The following NEB variants were observed in gnomAD, a reference collection of about 807,000 sequenced individuals.
NEB encodes nebulin, also known as nemaline myopathy type 2.
A neutral mutation model predicts 952.2 loss-of-function variants in NEB; 512 were observed. The observed-to-expected ratio is 0.54, with a 90% CI of 0.50 to 0.58. NEB has a LOEUF of 0.58. Ranked by LOEUF, NEB falls within the 20% of genes least tolerant of loss-of-function variation. The pLI, the probability that NEB is intolerant of heterozygous loss-of-function variation, is 0.00. For synonymous variants in NEB, 2,900 were observed against 3,149.8 expected (o/e 0.92, Z 2.66); for missense variants, 8,428 against 9,231.1 (o/e 0.91, Z 3.56).
At chr2:151,646,672 C>T (rs1560961610) in intron 54 of NEB, among the ~76,000 whole-genome samples, 1 of 152,132 alleles carries the variant, frequency 6.6e-6, no homozygotes, top group Non-Finnish European at 1.5e-5. Flanking sequence ...TATTTTGACA[C>T]AGAGTCTTAC....
In NEB at chr2:151,499,331, C is replaced by G; in HGVS notation, c.24081G>C (p.Glu8027Asp). Residue 8027 changes from glutamate (E) to aspartate (D), a missense_variant, in exon 169 of 182, where the codon GAG (glutamate) becomes GAC (aspartate). Physicochemically the swap from Glu to Asp is conservative, Grantham distance 45 (BLOSUM62 2). This residue lies in a region of NEB where 3,374 missense variants were observed against 3,651.5 expected (regional missense o/e 0.92). Coordinates refer to ENST00000397345, the MANE Select transcript of NEB (RefSeq NM_001164508.2). Reference sequence around the variant, plus strand: ...AGTTTTCTTGATTGTGTTTGACTCTCTCCATCTCTGGAGTGATGGGGATTG... The same window carrying G: ...AGTTTTCTTGATTGTGTTTGACTCTGTCCATCTCTGGAGTGATGGGGATTG... ...GIPIPITPEM[E>D]RVKHNQENFS... is the part of the protein sequence containing the mutation. 6.5e-7 allele frequency: 1 copy of G among 1,542,202 alleles called. No homozygotes were observed.
rs2099605487 is a variant in NEB, at chr2:151,697,567, C to A, written c.1234G>T (p.Val412Phe). 6.2e-7 allele frequency: 1 copy of A among 1,612,904 alleles called. No individual in the cohort carries two copies. The highest frequency in any genetic ancestry group is 1.1e-5 in the South Asian group (1 of 90,826). ...CETPKFKLDT[V>F]LQNFSSDKKY... is the part of the protein sequence containing the mutation. Reference sequence around the variant, plus strand: ...ACATCACTACTGAAGTTCTGCAGAACAGTATCGAGCTTGAATTTGGGGGTC... The same window carrying A: ...ACATCACTACTGAAGTTCTGCAGAAAAGTATCGAGCTTGAATTTGGGGGTC... Residue 412 changes from valine to phenylalanine, a missense_variant, in exon 14 of 182, where the codon GTT (valine) becomes TTT (phenylalanine). This residue lies in a region of NEB where 2,851 missense variants were observed against 2,791.5 expected (regional missense o/e 1.02). Transcript: ENST00000397345.
chr2:151,612,467 GATA>G (rs2098019346), intron 77 of NEB, 78 bp from the exon 78 acceptor site: 1 of 1,250,832 alleles, frequency 8.0e-7, no homozygotes, highest in Admixed American at 1.9e-5. Flanking sequence ...AACATACACA[GATA>G]ATGTGTTAGT....
rs2099511721 is a variant in NEB, at chr2:151,687,481, G to C, written c.2575C>G (p.Leu859Val). 6.2e-7 allele frequency: 1 copy of C among 1,613,980 alleles called. No individual in the cohort carries two copies. The highest frequency in any genetic ancestry group is 1.3e-5 in the African/African-American group (1 of 75,040). ...ATCTTTGGATCGTCATTAATGCTGAGGGCTCCAATCATTTTCCCTTTGCTC... is the reference window on the plus strand; with the variant it reads ...ATCTTTGGATCGTCATTAATGCTGACGGCTCCAATCATTTTCCCTTTGCTC... Reference protein sequence around the residue: ...EKSKGKMIGALSINDDPKMLH... With the variant: ...EKSKGKMIGAVSINDDPKMLH... Residue 859 changes from leucine (L) to valine (V), a missense_variant, in exon 27 of 182, where the codon CTC becomes GTC. Physicochemically the swap from Leu to Val is conservative, Grantham distance 32. Coordinates refer to ENST00000397345, the MANE Select transcript of NEB (RefSeq NM_001164508.2).
chr2:151,606,925 T>C lies in NEB; in HGVS notation c.12640-212A>G, dbSNP rs1167859560. Among the ~76,000 whole-genome samples, 50 of 84,332 alleles carry C rather than the reference T, an allele frequency of 5.9e-4. 3 individuals are homozygous for C. The highest frequency in any genetic ancestry group is 1.4e-3 in the African/African-American group (49 of 34,530). 55.3% of individuals were successfully genotyped at this position (84,332 alleles called of 152,430 possible). On this transcript the variant is annotated intron_variant, in intron 83 of 181. Transcript: ENST00000397345. ...TTTAAAGCTAAACATCAAACTCTAT[T>C]AATGTTTGAATATTTGCATCCATCA...
chr2:151,705,566 A>G (rs1559468243), intron 13 of NEB, among the ~76,000 whole-genome samples: 1 of 152,216 alleles, frequency 6.6e-6, no homozygotes, highest in South Asian at 2.1e-4. Flanking sequence ...CAGCAATCCC[A>G]TCACTGAGTA....
intron 65 of NEB, among the ~76,000 whole-genome samples, chr2:151,632,832 A>G (rs992255379): frequency 7.2e-5 from 11 of 152,188 alleles, no homozygotes; most frequent in African/African-American, 2.7e-4. Flanking sequence ...ATGGTAAGCA[A>G]TCTGTCAATA....
intron 107 of NEB, among the ~76,000 whole-genome samples, chr2:151,574,339 A>G (rs1330264527): frequency 1.3e-5 from 2 of 152,250 alleles, no homozygotes; most frequent in Admixed American, 1.3e-4. Flanking sequence ...CAATACTTCC[A>G]GCAAATGTTA....
At chr2:151,497,937 T>C (rs1198538948) in intron 170 of NEB, 5 of 1,449,066 alleles carry the variant, frequency 3.5e-6, no homozygotes, top group Non-Finnish European at 3.6e-6. Context: ...CTGTCAGAGT[T>C]ATCCATGTTA....
At chr2:151,696,842 G>A (rs944201895) in intron 16 of NEB, 107 bp from the exon 17 acceptor site, 7 of 765,190 alleles carry the variant, frequency 9.1e-6, no homozygotes, top group African/African-American at 5.3e-5. Context: ...AATGAAACTT[G>A]TAGTTAATAA....
chr2:151,627,293 T>C (rs2098544560), intron 69 of NEB, 88 bp from the exon 70 acceptor site: 2 of 1,470,024 alleles, frequency 1.4e-6, no homozygotes, highest in South Asian at 1.3e-5. Context: ...AAAGCTTGGA[T>C]AGTCAAATTT....
rs71000481 is a variant in NEB at position 151,620,347 on chromosome 2, G to GTATATATATA, written c.10560+562_10560+571dup. Among the ~76,000 whole-genome samples, 165 of 48,330 alleles carry GTATATATATA rather than the reference G, an allele frequency of 3.4e-3. 4 individuals are homozygous for GTATATATATA. Among genetic ancestry groups the GTATATATATA allele is most frequent in the South Asian group, 6.2e-3 (7 of 1,130 alleles). The allele number at this position is 48,330 out of a possible 152,430, so 31.7% of individuals were successfully genotyped here. A position where few individuals can be genotyped will look rare whatever the true frequency, so the allele number is the denominator to read the frequency against. ...TTATTATATATATATGTATGTGTGT[G>GTATATATATA]TATATATATATATATATATATATAT... On this transcript the variant is annotated intron_variant, in intron 72 of 181. Coordinates refer to ENST00000397345, the MANE Select transcript of NEB (RefSeq NM_001164508.2).
chr2:151,649,283 G>A (rs1327403270), intron 54 of NEB, among the ~76,000 whole-genome samples: 1 of 152,148 alleles, frequency 6.6e-6, no homozygotes, highest in East Asian at 1.9e-4. Flanking sequence ...AAGTCTGTGA[G>A]GGGTTAGTTA....
At chr2:151,566,600 T>A (rs118012311) in intron 114 of NEB, among the ~76,000 whole-genome samples, 1 of 152,188 alleles carries the variant, frequency 6.6e-6, no homozygotes, top group Admixed American at 6.5e-5. Context: ...GAGATCTTGA[T>A]TCAGGCTTCA....
chr2:151,615,914 A>T, intron 76 of NEB, 88 bp downstream of exon 76: 1 of 950,062 alleles, frequency 1.1e-6, no homozygotes, highest in Non-Finnish European at 1.6e-6. Context: ...TTATAGGGGT[A>T]ACTAAATTTC....
chr2:151,502,802 G>A lies in NEB; in HGVS notation c.23919C>T (p.Asn7973=). Residue 7973 remains asparagine (N), a synonymous_variant, in exon 167 of 182, where the codon AAC becomes AAT. Transcript: ENST00000397345. ...EMERVKRNQE[N]FSSILYKENL... is the part of the protein sequence containing the mutation. ...GCCCCCTAAGAAATACCGAGCTAAA[G>A]TTCTCTTGATTGCGTTTGACTCTCT... 1.3e-6 allele frequency: 2 copies of A among 1,595,074 alleles called. No individual in the cohort carries two copies. Among genetic ancestry groups the A allele is most frequent in the South Asian group, 1.1e-5 (1 of 89,200 alleles).
intron 71 of NEB, 53 bp downstream of exon 71, chr2:151,625,481 C>T (rs2098505226): frequency 2.0e-5 from 27 of 1,348,492 alleles, no homozygotes; most frequent in Non-Finnish European, 2.3e-5. Flanking sequence ...CACATTCCTA[C>T]ATCGGCAACA....
At chr2:151,510,240 A>C (rs1274304624) in intron 161 of NEB, among the ~76,000 whole-genome samples, 25 of 151,908 alleles carry the variant, frequency 1.6e-4, no homozygotes, top group Admixed American at 1.6e-3. Context: ...AGGCCTGGGG[A>C]GTTTTTTTTA....
intron 107 of NEB, among the ~76,000 whole-genome samples, chr2:151,574,752 G>A (rs191940349): frequency 1.1e-5 from 1 of 91,672 alleles, no homozygotes; most frequent in East Asian, 3.6e-4. Flanking sequence ...ATTTATTTGA[G>A]ACAGGGTCTT....
Sources: allele counts gnomAD v4.1 joint callset (sites outside exome capture counted in the v4.1 genomes callset), GRCh38; gene constraint gnomAD v4.1.1; regional missense constraint gnomAD v4.1.1; transcripts MANE v1.5; gene names NCBI Gene and HGNC (gene_info 2026-07-23, HGNC 2026-07-21).